The following HPSE2 variants were observed in gnomAD, a reference collection of about 807,000 sequenced individuals.
HPSE2 encodes inactive heparanase-2.
A neutral mutation model predicts 60.5 loss-of-function variants in HPSE2; 38 were observed. The observed-to-expected ratio is 0.63, with a 90% CI of 0.48 to 0.82. The LOEUF is 0.82. HPSE2 is among the 40% of genes least tolerant of loss of function. The pLI is 0.00. For missense variants in HPSE2, 713 were observed against 740.4 expected, an observed-to-expected ratio of 0.96 and a Z score of 0.43; for synonymous variants, 295 against 293.2, an observed-to-expected ratio of 1.01 and a Z score of -0.06.
chr10:99,186,917 G>A (rs1242831922), intron 2 of HPSE2, among the ~76,000 whole-genome samples: 1 of 151,872 alleles, frequency 6.6e-6, no homozygotes, highest in African/African-American at 2.4e-5. Context: ...CTAGTAGCTG[G>A]AACTATAAGC....
At chr10:98,854,563 G>T (rs1278598009) in intron 3 of HPSE2, among the ~76,000 whole-genome samples, 2 of 152,140 alleles carry the variant, frequency 1.3e-5, no homozygotes, top group African/African-American at 4.8e-5. Flanking sequence ...AAACATGGAT[G>T]TACCTACTGC....
At chr10:98,712,802 A>T (rs1948706371) in intron 5 of HPSE2, among the ~76,000 whole-genome samples, 1 of 152,106 alleles carries the variant, frequency 6.6e-6, no homozygotes, top group African/African-American at 2.4e-5. Flanking sequence ...TTCCACTAGC[A>T]ATTCTGTAGA....
intron 6 of HPSE2, among the ~76,000 whole-genome samples, chr10:98,680,676 C>G (rs998326086): frequency 6.6e-6 from 1 of 152,174 alleles, no homozygotes; most frequent in Non-Finnish European, 1.5e-5. Context: ...AATACACATA[C>G]TTTGCTCCAT....
intron 2 of HPSE2, among the ~76,000 whole-genome samples, chr10:99,198,524 G>A (rs1249768406): frequency 6.6e-6 from 1 of 152,148 alleles, no homozygotes; most frequent in Non-Finnish European, 1.5e-5. Flanking sequence ...ACTGAGTTAT[G>A]ATACCATAAA....
intron 6 of HPSE2, among the ~76,000 whole-genome samples, chr10:98,655,974 C>T (rs530779358): frequency 2.0e-5 from 3 of 152,236 alleles, no homozygotes; most frequent in Admixed American, 6.5e-5. Flanking sequence ...AGTGAAACTG[C>T]ATTGTGTAGA....
intron 3 of HPSE2, among the ~76,000 whole-genome samples, chr10:98,890,644 G>C (rs185493606): frequency 6.6e-6 from 1 of 151,936 alleles, no homozygotes; most frequent in Non-Finnish European, 1.5e-5. Context: ...AAAAACGAAC[G>C]AACAAATGAA....
At chr10:98,829,833 GATTTTT>G (rs1047323211) in intron 3 of HPSE2, among the ~76,000 whole-genome samples, 5 of 152,040 alleles carry the variant, frequency 3.3e-5, no homozygotes, top group Non-Finnish European at 7.4e-5. Context: ...TACCACTGGG[GATTTTT>G]ATTTTTATTT....
chr10:98,955,933 A>G (rs1955499487), intron 3 of HPSE2, among the ~76,000 whole-genome samples: 1 of 152,090 alleles, frequency 6.6e-6, no homozygotes, highest in African/African-American at 2.4e-5. Context: ...AGGGAGGGGA[A>G]CAACACACAC....
chr10:98,507,221 GT>G (rs1942231604), intron 9 of HPSE2, among the ~76,000 whole-genome samples: 2 of 152,148 alleles, frequency 1.3e-5, no homozygotes, highest in Non-Finnish European at 2.9e-5. Flanking sequence ...TATTGGTAAT[GT>G]TTTAGTTTTG....
intron 9 of HPSE2, among the ~76,000 whole-genome samples, chr10:98,493,012 G>A (rs142953008): frequency 1.3e-5 from 2 of 152,122 alleles, no homozygotes; most frequent in African/African-American, 2.4e-5. Flanking sequence ...GGCAACCATC[G>A]TTCCACTTTC....
chr10:98,603,128 G>A (rs1206129344), intron 9 of HPSE2, among the ~76,000 whole-genome samples: 1 of 152,086 alleles, frequency 6.6e-6, no homozygotes, highest in Non-Finnish European at 1.5e-5. Flanking sequence ...ATCCATTAGA[G>A]AGGTGAGGAC....
intron 6 of HPSE2, among the ~76,000 whole-genome samples, chr10:98,666,866 A>G (rs1947376908): frequency 6.6e-6 from 1 of 152,120 alleles, no homozygotes; most frequent in Non-Finnish European, 1.5e-5. Context: ...CATTGCACCT[A>G]GAGAAATAAG....
chr10:98,917,322 T>A (rs1954148419), intron 3 of HPSE2, among the ~76,000 whole-genome samples: 2 of 152,326 alleles, frequency 1.3e-5, no homozygotes, highest in South Asian at 4.1e-4. Flanking sequence ...ATAATGGTGA[T>A]TCCAGAATTG....
chr10:98,948,795 C>T (rs1051907683), intron 3 of HPSE2, among the ~76,000 whole-genome samples: 8 of 152,072 alleles, frequency 5.3e-5, no homozygotes, highest in African/African-American at 1.7e-4. Flanking sequence ...GCCTTCTCAA[C>T]ATGAAGGCTT....
intron 3 of HPSE2, among the ~76,000 whole-genome samples, chr10:98,924,897 T>C (rs1428127187): frequency 1.3e-5 from 2 of 152,208 alleles, no homozygotes; most frequent in Non-Finnish European, 2.9e-5. Flanking sequence ...TTTGGACCAC[T>C]GGGATGGGTG....
At chr10:98,947,922 G>A (rs1039910760) in intron 3 of HPSE2, among the ~76,000 whole-genome samples, 3 of 152,010 alleles carry the variant, frequency 2.0e-5, no homozygotes, top group Non-Finnish European at 2.9e-5. Context: ...ATTAAACAAC[G>A]TTCCTGGCCA....
At chr10:98,664,602 C>T (rs1178739020) in intron 6 of HPSE2, among the ~76,000 whole-genome samples, 1 of 152,186 alleles carries the variant, frequency 6.6e-6, no homozygotes, top group African/African-American at 2.4e-5. Context: ...TACAAAAGAG[C>T]CCGGTGGCTA....
At chr10:99,034,618 T>C (rs1035792946) in intron 3 of HPSE2, among the ~76,000 whole-genome samples, 7 of 151,944 alleles carry the variant, frequency 4.6e-5, no homozygotes, top group African/African-American at 1.7e-4. Flanking sequence ...AACAGACACA[T>C]GTGTGTATAT....
At chr10:98,460,103 G>A (rs978529348) in intron 11 of HPSE2, among the ~76,000 whole-genome samples, 22 of 152,120 alleles carry the variant, frequency 1.4e-4, no homozygotes, top group Admixed American at 3.3e-4. Context: ...AAGCTGGAAT[G>A]TTTCATTCCT....
Sources: allele counts gnomAD v4.1 joint callset (sites outside exome capture counted in the v4.1 genomes callset), GRCh38; gene constraint gnomAD v4.1.1; transcripts MANE v1.5; gene names NCBI Gene and HGNC (gene_info 2026-07-23, HGNC 2026-07-21).